TPRG1: variants seen among roughly 807,000 people sequenced by gnomAD.
The protein encoded by TPRG1 is tumor protein p63-regulated gene 1 protein.
In TPRG1, 29 loss-of-function variants were observed where a neutral mutation model predicts 29.3. The ratio of observed to expected loss-of-function variants is 0.99; its 90% CI spans 0.74 to 1.35. The LOEUF (loss-of-function observed/expected upper bound fraction) is 1.35, where lower values mean the gene tolerates loss of function less well. TPRG1 is among the 40% of genes most tolerant of loss of function. TPRG1 has a pLI of 0.00. For synonymous variants in TPRG1, 130 were observed against 116.8 expected (o/e 1.11, Z -0.73); for missense variants, 327 against 335.0 (o/e 0.98, Z 0.19).
intron 4 of TPRG1, among the ~76,000 whole-genome samples, chr3:189,297,601 T>G (rs912613438): frequency 4.6e-5 from 7 of 152,090 alleles, no homozygotes; most frequent in Admixed American, 2.6e-4. Context: ...AGATTCTGGA[T>G]TTTAAGAAAA....
intron 1 of TPRG1, among the ~76,000 whole-genome samples, chr3:189,202,975 C>T (rs1733740480): frequency 6.6e-6 from 1 of 152,136 alleles, no homozygotes; most frequent in Non-Finnish European, 1.5e-5. Flanking sequence ...GAACTGGAGT[C>T]CAGAAAACTA....
intron 1 of TPRG1, among the ~76,000 whole-genome samples, chr3:189,180,740 G>C (rs1039844582): frequency 7.2e-5 from 11 of 152,182 alleles, no homozygotes; most frequent in Non-Finnish European, 1.5e-5. Flanking sequence ...CAAACCGTCA[G>C]CGCATTTACT....
intron 4 of TPRG1, among the ~76,000 whole-genome samples, chr3:189,028,139 C>T (rs1016109736): frequency 2.6e-5 from 4 of 152,158 alleles, no homozygotes; most frequent in Admixed American, 6.5e-5. Context: ...GAAGATATAG[C>T]TAGAAGGAGC....
intron 3 of TPRG1, among the ~76,000 whole-genome samples, chr3:189,022,772 G>T (rs948618228): frequency 3.2e-4 from 49 of 152,338 alleles, no homozygotes; most frequent in Admixed American, 3.9e-4. Flanking sequence ...GGAACTTCCC[G>T]GCTGCTTTGT....
chr3:189,050,116 C>T (rs571836464), intron 4 of TPRG1, among the ~76,000 whole-genome samples: 1 of 151,718 alleles, frequency 6.6e-6, no homozygotes, highest in Admixed American at 6.6e-5. Context: ...AACAAACAAA[C>T]AAAAAACACA....
chr3:189,083,289 G>A (rs1339767638), intron 4 of TPRG1, among the ~76,000 whole-genome samples: 6 of 152,170 alleles, frequency 3.9e-5, no homozygotes, highest in Admixed American at 1.3e-4. Flanking sequence ...TAGGGATTCG[G>A]CTGCTAATGA....
upstream of TPRG1, among the ~76,000 whole-genome samples, chr3:189,098,998 G>A (rs1351242851): frequency 6.6e-6 from 1 of 152,130 alleles, no homozygotes; most frequent in African/African-American, 2.4e-5. Context: ...AACAGAGACG[G>A]CTTTACCCTG....
chr3:189,088,917 T>C (rs116760733), intron 4 of TPRG1, among the ~76,000 whole-genome samples: 15 of 152,196 alleles, frequency 9.9e-5, no homozygotes, highest in Admixed American at 9.8e-4. Flanking sequence ...CAAGCCCTAA[T>C]GCTCTTCCTC....
chr3:189,070,360 G>T (rs984391327), intron 4 of TPRG1, among the ~76,000 whole-genome samples: 1 of 152,110 alleles, frequency 6.6e-6, no homozygotes, highest in African/African-American at 2.4e-5. Flanking sequence ...TGTGGTGATG[G>T]CTATATGAAC....
intron 5 of TPRG1, among the ~76,000 whole-genome samples, chr3:189,157,929 G>C (rs1315692742): frequency 2.0e-5 from 3 of 152,208 alleles, no homozygotes; most frequent in Non-Finnish European, 4.4e-5. Context: ...AATGTATGTT[G>C]TAGAGACTAA....
intron 1 of TPRG1, among the ~76,000 whole-genome samples, chr3:189,110,372 A>T (rs1277214924): frequency 6.6e-6 from 1 of 152,080 alleles, no homozygotes; most frequent in East Asian, 1.9e-4. Context: ...ATCTGTTCAA[A>T]TGTTTTGTCC....
At chr3:189,298,413 T>G (rs1018999364) in intron 4 of TPRG1, among the ~76,000 whole-genome samples, 1 of 152,218 alleles carries the variant, frequency 6.6e-6, no homozygotes, top group Non-Finnish European at 1.5e-5. Flanking sequence ...CTGCTGAGTA[T>G]GTCTCCTGTC....
chr3:189,293,039 C>G (rs981542481), intron 4 of TPRG1, among the ~76,000 whole-genome samples: 2 of 152,158 alleles, frequency 1.3e-5, no homozygotes, highest in Non-Finnish European at 2.9e-5. Context: ...CCGGCAACCT[C>G]CGTTTCAGAG....
intron 3 of TPRG1, among the ~76,000 whole-genome samples, chr3:189,216,362 C>T (rs1270159266): frequency 1.3e-5 from 2 of 152,162 alleles, no homozygotes; most frequent in African/African-American, 4.8e-5. Flanking sequence ...GAATGTTTTA[C>T]CATCCAGGCC....
chr3:189,157,416 C>T (rs763429936), intron 5 of TPRG1, among the ~76,000 whole-genome samples: 1 of 152,102 alleles, frequency 6.6e-6, no homozygotes, highest in Non-Finnish European at 1.5e-5. Context: ...GCAGTGAGGA[C>T]AGGCTCCATT....
At chr3:189,165,364 A>G (rs758633281) in intron 5 of TPRG1, among the ~76,000 whole-genome samples, 1 of 141,074 alleles carries the variant, frequency 7.1e-6, no homozygotes, top group African/African-American at 2.5e-5. Flanking sequence ...TGTACAGTCT[A>G]TTCTGGGTTG....
chr3:189,134,473 C>T (rs1371468309), intron 3 of TPRG1, among the ~76,000 whole-genome samples: 1 of 138,062 alleles, frequency 7.2e-6, no homozygotes, highest in Non-Finnish European at 1.5e-5. Context: ...AGCACAGTGG[C>T]ATGATCATAG....
chr3:189,169,958 T>A (rs376018024), upstream of TPRG1, among the ~76,000 whole-genome samples: 68 of 152,290 alleles, frequency 4.5e-4, 1 homozygote, highest in Middle Eastern at 3.4e-3. Context: ...ATGGCGGAGC[T>A]CAGCATGAGC....
chr3:189,003,636 G>T (rs549781076), intron 2 of TPRG1, among the ~76,000 whole-genome samples: 4 of 152,164 alleles, frequency 2.6e-5, no homozygotes, highest in African/African-American at 9.6e-5. Context: ...GTACTCTCCT[G>T]ATTCATCTTT....
Sources: gnomAD v4.1 joint callset for allele counts (sites outside exome capture counted in the v4.1 genomes callset) on GRCh38, gnomAD v4.1.1 for gene constraint, MANE v1.5 for transcripts, NCBI Gene and HGNC (gene_info 2026-07-23, HGNC 2026-07-21) for gene names.